MOV10L1: variants seen among roughly 807,000 people sequenced by gnomAD.
MOV10L1 encodes the protein RNA helicase Mov10l1.
In MOV10L1, 110 loss-of-function variants were observed where a neutral mutation model predicts 143.8. The ratio of observed to expected loss-of-function variants is 0.76; its 90% confidence interval spans 0.66 to 0.90. The LOEUF is 0.90. Among genes scored for constraint, MOV10L1 ranks in the 40% least tolerant of loss-of-function variants. The pLI is 0.00. For synonymous variants in MOV10L1, 593 were observed against 581.1 expected, an observed-to-expected ratio of 1.02 and a Z score of -0.29; for missense variants, 1,406 against 1,526.8, an observed-to-expected ratio of 0.92 and a Z score of 1.32.
intron 12 of MOV10L1, 50 bp downstream of exon 12, chr22:50,126,322 C>T (rs758294650): frequency 3.9e-5 from 56 of 1,429,998 alleles, no homozygotes; most frequent in Admixed American, 1.1e-4. Context: ...CCCTTCTGAC[C>T]GGTTGGAAAG....
In MOV10L1 at chr22:50,125,403, G is replaced by A; in HGVS notation, c.1581G>A (p.Met527Ile). 3 of 1,614,172 alleles carry A rather than the reference G, an allele frequency of 1.9e-6. No individual in the cohort carries two copies. Among genetic ancestry groups the A allele is most frequent in the Non-Finnish European group, 2.5e-6 (3 of 1,180,008 alleles). The change falls in exon 11 of 27, where the codon ATG becomes ATA. Residue 527 changes from methionine (M) to isoleucine (I), a missense_variant. Met to Ile is a conservative substitution (Grantham distance 10). This residue lies in a region of MOV10L1 where 1,233 missense variants were observed against 1,351.4 expected (regional missense o/e 0.91). Transcript: ENST00000262794. The stretch of plus-strand genomic sequence containing the variant: ...TGGGTGTTTTCCAGCTTCTGAACAT[G>A]TCAAATTACAAGGAGAAGTTTTCGA... ...FQPLLAELLN[M>I]SNYKEKFSTL... is the part of the protein sequence containing the mutation.
intron 18 of MOV10L1, among the ~76,000 whole-genome samples, chr22:50,145,081 T>C (rs2063111895): frequency 6.6e-6 from 1 of 152,116 alleles, no homozygotes; most frequent in South Asian, 2.1e-4. Flanking sequence ...TACCTAGGAT[T>C]ACAGGTGTGT....
intron 4 of MOV10L1, 85 bp downstream of exon 4, chr22:50,108,333 A>G (rs539372633): frequency 1.6e-6 from 2 of 1,222,870 alleles, no homozygotes; most frequent in East Asian, 2.5e-5. Flanking sequence ...CTTCTCCTGC[A>G]TGTGTTGGAA....
At chr22:50,146,949 C>A in intron 19 of MOV10L1, 2 of 972,254 alleles carry the variant, frequency 2.1e-6, no homozygotes, top group Non-Finnish European at 3.2e-6. Context: ...TTCAGACTAG[C>A]CACTGTGCGG....
rs2063243384 is a variant in MOV10L1 at position 50,149,693 on chromosome 22, G to A, written c.2706G>A (p.Leu902=). Residue 902 remains leucine (L), a synonymous_variant, in exon 20 of 27, where the codon CTG becomes CTA. Transcript: ENST00000262794. The part of the protein sequence containing the change: ...SEPECLIPLG[L]MSDISGQIVL... Reference sequence around the variant, plus strand: ...CGGAATGCCTCATTCCTCTGGGGCTGATGTCGGACATCAGTGGCCAGGTAA... The same window carrying A: ...CGGAATGCCTCATTCCTCTGGGGCTAATGTCGGACATCAGTGGCCAGGTAA... 3.1e-6 allele frequency: 5 copies of A among 1,613,876 alleles called. No homozygotes were observed. Among genetic ancestry groups the A allele is most frequent in the Non-Finnish European group, 4.2e-6 (5 of 1,179,850 alleles).
intron 19 of MOV10L1, among the ~76,000 whole-genome samples, chr22:50,148,793 A>C (rs2063219958): frequency 2.0e-5 from 3 of 151,634 alleles, no homozygotes; most frequent in South Asian, 4.2e-4. Context: ...CTTCCCGAGT[A>C]GCTGGGACTA....
At position 50,099,564 on chromosome 22, in the gene MOV10L1, G is replaced by A. The variant is rs1438942174; in HGVS notation, c.404G>A (p.Ser135Asn). ...CTGGTGGAGGGCGCAGGCTGTATCA[G>A]TCAGACCACCTACTTCTCTCTGGAG... ...TSLVEGAGCI[S>N]QTTYFSLESV... Residue 135 changes from serine to asparagine, a missense_variant, in exon 3 of 27, where the codon AGT (serine) becomes AAT (asparagine). Around this residue, in one of 3 missense-constraint regions of MOV10L1, gnomAD observed 7 missense variants for 21.4 expected, o/e 0.33. Coordinates refer to ENST00000262794, the MANE Select transcript of MOV10L1 (RefSeq NM_018995.3). 6.2e-6 allele frequency: 10 copies of A among 1,614,138 alleles called. No homozygotes were observed. Among genetic ancestry groups the A allele is most frequent in the Admixed American group, 1.7e-5 (1 of 60,022 alleles).
At chr22:50,144,811 G>A (rs999799346) in intron 18 of MOV10L1, among the ~76,000 whole-genome samples, 2 of 152,062 alleles carry the variant, frequency 1.3e-5, no homozygotes, top group African/African-American at 4.8e-5. Flanking sequence ...TCGATCTCCT[G>A]ACCTCATGAT....
intron 15 of MOV10L1, among the ~76,000 whole-genome samples, chr22:50,137,343 G>A (rs1381187611): frequency 6.6e-6 from 1 of 152,092 alleles, no homozygotes; most frequent in African/African-American, 2.4e-5. Context: ...TATCTTCTAG[G>A]AATGAAAAAT....
intron 22 of MOV10L1, among the ~76,000 whole-genome samples, chr22:50,153,772 G>A (rs1159048423): frequency 2.0e-5 from 3 of 152,200 alleles, no homozygotes; most frequent in Admixed American, 6.5e-5. Context: ...ACAAGCATTC[G>A]CTAAAATGAG....
chr22:50,160,674 CTG>C lies in MOV10L1; in HGVS notation c.3325-9_3325-8del. ...CTTCAAGTGCCATTTTTATTCATCT[CTG>C]TGTGCTTTTAGGTACGGTCAAATGA... On this transcript the variant is annotated splice_polypyrimidine_tract_variant and intron_variant, in intron 24 of 26. Transcript: ENST00000262794. 6.2e-7 allele frequency: 1 copy of C among 1,610,348 alleles called. No homozygotes were observed. Among genetic ancestry groups the C allele is most frequent in the Non-Finnish European group, 8.5e-7 (1 of 1,178,128 alleles).
intron 19 of MOV10L1, 107 bp downstream of exon 19, chr22:50,145,917 G>A (rs1218522980): frequency 6.6e-7 from 1 of 1,517,774 alleles, no homozygotes; most frequent in Admixed American, 1.8e-5. Context: ...CAGTGCTCAG[G>A]GAGGGAGGCA....
intron 13 of MOV10L1, 124 bp downstream of exon 13, chr22:50,128,631 G>A (rs1157843009): frequency 8.6e-6 from 5 of 578,428 alleles, no homozygotes; most frequent in East Asian, 3.3e-5. Context: ...TGCAACCTCC[G>A]CCTCCCAGGT....
intron 15 of MOV10L1, among the ~76,000 whole-genome samples, chr22:50,140,777 T>C (rs2062962264): frequency 6.6e-6 from 1 of 151,764 alleles, no homozygotes; most frequent in Non-Finnish European, 1.5e-5. Context: ...AACTGCAGTG[T>C]AGTGTCGCAA....
rs768396202 is a variant in MOV10L1, at chr22:50,145,747, C to G, written c.2564C>G (p.Ser855Ter). ...GACGGAGAAGACATCTGGAAAGCCTCACGCTTCCGGATAATCATCACCACA... is the reference window on the plus strand; with the variant it reads ...GACGGAGAAGACATCTGGAAAGCCTGACGCTTCCGGATAATCATCACCACA... ...CRDGEDIWKA[S>*]RFRIIITTCS... The change falls in exon 19 of 27, where the codon TCA (serine) becomes TGA (stop). Residue 855 changes from serine (S) to a stop codon, truncating the protein, a stop_gained. Coordinates refer to ENST00000262794, the MANE Select transcript of MOV10L1 (RefSeq NM_018995.3). LOFTEE classifies it high-confidence loss of function. 6.2e-7 allele frequency: 1 copy of G among 1,614,042 alleles called. No homozygotes were observed. Among genetic ancestry groups the G allele is most frequent in the Non-Finnish European group, 8.5e-7 (1 of 1,180,028 alleles).
chr22:50,155,724 T>C (rs1326896759), intron 22 of MOV10L1, among the ~76,000 whole-genome samples: 1 of 152,174 alleles, frequency 6.6e-6, no homozygotes, highest in Non-Finnish European at 1.5e-5. Context: ...TCTGCCCGCC[T>C]TGGCCTCCCA....
chr22:50,128,143 A>G (rs1007724423), intron 12 of MOV10L1, among the ~76,000 whole-genome samples: 19 of 152,206 alleles, frequency 1.2e-4, no homozygotes, highest in African/African-American at 2.4e-4. Context: ...TTTGTGTCCT[A>G]TGGAGTCAGT....
intron 16 of MOV10L1, 145 bp downstream of exon 16, chr22:50,142,334 A>T: frequency 1.8e-6 from 1 of 557,668 alleles, no homozygotes; most frequent in Non-Finnish European, 3.1e-6. Context: ...CTCCACCCTG[A>T]CTGGAGACTT....
intron 2 of MOV10L1, among the ~76,000 whole-genome samples, chr22:50,097,104 T>G (rs1334774637): frequency 1.3e-5 from 2 of 152,130 alleles, no homozygotes; most frequent in Non-Finnish European, 2.9e-5. Flanking sequence ...TAAATTAAAG[T>G]CTTTGATTCA....
Sources: allele counts gnomAD v4.1 joint callset (sites outside exome capture counted in the v4.1 genomes callset), GRCh38; gene constraint gnomAD v4.1.1; regional missense constraint gnomAD v4.1.1; transcripts MANE v1.5; gene names NCBI Gene and HGNC (gene_info 2026-07-23, HGNC 2026-07-21).